Variants in HPSE2 observed in about 807,000 individuals in gnomAD.
The protein encoded by HPSE2 is heparanase 2 (inactive), also known as inactive heparanase-2.
A neutral mutation model predicts 60.5 loss-of-function variants in HPSE2; 38 were observed. That is an observed-to-expected ratio of 0.63 (90% confidence interval 0.48 to 0.82). The LOEUF is 0.82. HPSE2 is among the 40% of genes least tolerant of loss of function. HPSE2 has a pLI of 0.00. For synonymous variants in HPSE2, 295 were observed against 293.2 expected, an observed-to-expected ratio of 1.01 and a Z score of -0.06; for missense variants, 713 against 740.4, an observed-to-expected ratio of 0.96 and a Z score of 0.43.
intron 6 of HPSE2, among the ~76,000 whole-genome samples, chr10:98,660,457 T>C (rs978478511): frequency 1.3e-5 from 2 of 152,174 alleles, no homozygotes; most frequent in African/African-American, 4.8e-5. Context: ...TTTCCATACC[T>C]CTGAAAATAG....
At chr10:98,969,925 G>A (rs1452455100) in intron 3 of HPSE2, among the ~76,000 whole-genome samples, 2 of 151,900 alleles carry the variant, frequency 1.3e-5, no homozygotes, top group Non-Finnish European at 2.9e-5. Flanking sequence ...GTTTCACGTG[G>A]CAAAAGCAGG....
At chr10:98,942,623 A>G (rs1259458516) in intron 3 of HPSE2, among the ~76,000 whole-genome samples, 1 of 152,164 alleles carries the variant, frequency 6.6e-6, no homozygotes, top group Non-Finnish European at 1.5e-5. Context: ...ACACTTTCAC[A>G]CTGTTGGTGG....
chr10:99,082,559 C>T (rs1015543711), intron 3 of HPSE2, among the ~76,000 whole-genome samples: 1 of 152,160 alleles, frequency 6.6e-6, no homozygotes, highest in Non-Finnish European at 1.5e-5. Flanking sequence ...TATACCCAGC[C>T]TCAGCTACAT....
chr10:98,475,470 TGAAGAA>T (rs10528947), intron 11 of HPSE2, among the ~76,000 whole-genome samples: 3 of 151,546 alleles, frequency 2.0e-5, no homozygotes, highest in African/African-American at 7.3e-5. Flanking sequence ...ATTAGATCAC[TGAAGAA>T]GAAGAAGTTA....
At chr10:98,654,706 T>C (rs1947011217) in intron 6 of HPSE2, among the ~76,000 whole-genome samples, 2 of 152,214 alleles carry the variant, frequency 1.3e-5, no homozygotes, top group South Asian at 4.1e-4. Context: ...AACTATGTCA[T>C]ATATAAGACT....
At chr10:98,891,733 G>T (rs1393957753) in intron 3 of HPSE2, among the ~76,000 whole-genome samples, 1 of 152,056 alleles carries the variant, frequency 6.6e-6, no homozygotes, top group African/African-American at 2.4e-5. Context: ...TGAGATTACA[G>T]GCATGAGCCA....
At chr10:99,005,620 C>T (rs1564730820) in intron 3 of HPSE2, among the ~76,000 whole-genome samples, 1 of 152,082 alleles carries the variant, frequency 6.6e-6, no homozygotes. Context: ...TTAAGACAAT[C>T]ATCTTGAACT....
rs139798670 is a variant in HPSE2, at chr10:98,984,307, G to A, written c.610+159931C>T. 6.9e-3 allele frequency among the ~76,000 whole-genome samples: 1,052 copies of A among 152,254 alleles called. 9 individuals are homozygous for A. The highest frequency in any genetic ancestry group is 0.023 in the African/African-American group (967 of 41,562). On this transcript the variant is annotated intron_variant, in intron 3 of 11. Coordinates refer to ENST00000370552, the MANE Select transcript of HPSE2 (RefSeq NM_021828.5). ...TCTGAGACAAAACTTCCAGAGGAAC[G>A]ATCAGGCAGCAACATTTGCTGTTTG...
At chr10:98,697,768 G>T (rs1277508843) in intron 5 of HPSE2, among the ~76,000 whole-genome samples, 1 of 152,100 alleles carries the variant, frequency 6.6e-6, no homozygotes, top group Non-Finnish European at 1.5e-5. Flanking sequence ...GAAAGGCCAG[G>T]TCACCTACAA....
chr10:98,799,310 G>A (rs962155334), intron 3 of HPSE2, among the ~76,000 whole-genome samples: 1 of 152,148 alleles, frequency 6.6e-6, no homozygotes, highest in Non-Finnish European at 1.5e-5. Flanking sequence ...TAGAGCTAAA[G>A]AGAGAGATAG....
Position 98,656,617 on chromosome 10 carries a change from G to A in HPSE2, c.1005-14677C>T, listed in dbSNP as rs139853089. ...GAATTTATATCAAGGCTTAGTATCA[G>A]GAAAATGATGCTTCTCATGAAAACT... is the stretch of plus-strand genomic sequence containing the variant. On this transcript the variant is annotated intron_variant, in intron 6 of 11. Coordinates refer to ENST00000370552, the MANE Select transcript of HPSE2 (RefSeq NM_021828.5). Among the ~76,000 whole-genome samples the A allele has an allele frequency of 1.5e-4, 23 of 152,186 alleles. No individual in the cohort carries two copies. In the East Asian group the frequency reaches 4.4e-3, roughly 29 times the overall value.
At chr10:99,308,370 ACT>A in the HPSE2 span, among the ~76,000 whole-genome samples, 1 of 130,632 alleles carries the variant, frequency 7.7e-6, no homozygotes, top group Non-Finnish European at 1.6e-5. Context: ...ACAGAGCAAG[ACT>A]CTGTCTCAAA....
intron 9 of HPSE2, among the ~76,000 whole-genome samples, chr10:98,559,464 C>T (rs1216404748): frequency 2.0e-5 from 3 of 152,204 alleles, no homozygotes; most frequent in African/African-American, 7.2e-5. Flanking sequence ...CCTCAGCACA[C>T]TCTCCAGTCA....
intron 3 of HPSE2, among the ~76,000 whole-genome samples, chr10:99,036,327 T>C (rs112548335): frequency 7.2e-5 from 11 of 152,276 alleles, no homozygotes; most frequent in African/African-American, 1.9e-4. Flanking sequence ...GGGGAAAATA[T>C]AGATGAGCCT....
intron 3 of HPSE2, among the ~76,000 whole-genome samples, chr10:99,070,792 C>T (rs1484143353): frequency 6.6e-6 from 1 of 152,134 alleles, no homozygotes; most frequent in Non-Finnish European, 1.5e-5. Flanking sequence ...TTTGACTTAG[C>T]ATAATGTCCT....
intron 2 of HPSE2, among the ~76,000 whole-genome samples, chr10:99,220,490 T>C (rs1849271236): frequency 6.6e-6 from 1 of 152,102 alleles, no homozygotes. Context: ...CTGTTGAAAG[T>C]GGTTATACCT....
intron 9 of HPSE2, among the ~76,000 whole-genome samples, chr10:98,550,965 C>T (rs1943847312): frequency 6.6e-6 from 1 of 152,118 alleles, no homozygotes; most frequent in Non-Finnish European, 1.5e-5. Context: ...ATGGTTGAGC[C>T]TTCCATAACT....
At chr10:98,618,056 C>A (rs111448024) in intron 8 of HPSE2, among the ~76,000 whole-genome samples, 1 of 152,240 alleles carries the variant, frequency 6.6e-6, no homozygotes, top group Non-Finnish European at 1.5e-5. Flanking sequence ...CCCCCCGCCA[C>A]GACAGGAAGC....
chr10:99,091,861 A>C (rs1326248254), intron 3 of HPSE2, among the ~76,000 whole-genome samples: 1 of 152,172 alleles, frequency 6.6e-6, no homozygotes, highest in African/African-American at 2.4e-5. Flanking sequence ...ATTAACTTAA[A>C]ATTCACTACG....
Sources: allele counts gnomAD v4.1 joint callset (sites outside exome capture counted in the v4.1 genomes callset), GRCh38; gene constraint gnomAD v4.1.1; transcripts MANE v1.5; gene names NCBI Gene and HGNC (gene_info 2026-07-23, HGNC 2026-07-21).